CNTNAP5: variants seen among roughly 807,000 people sequenced by gnomAD.
CNTNAP5 encodes contactin-associated protein-like 5.
In CNTNAP5, 72 loss-of-function variants were observed where a neutral mutation model predicts 150.2. The ratio of observed to expected loss-of-function variants is 0.48; its 90% CI spans 0.40 to 0.58. CNTNAP5 has a LOEUF of 0.58. Ranked by LOEUF, CNTNAP5 falls within the 20% of genes least tolerant of loss-of-function variation. The probability of loss-of-function intolerance (pLI) is 0.00; values close to 1 mark genes in which losing one functional copy is unlikely to be tolerated. For missense variants in CNTNAP5, 1,636 were observed against 1,626.2 expected (o/e 1.01, Z -0.10); for synonymous variants, 672 against 619.8 (o/e 1.08, Z -1.25).
rs528635380 is a variant in CNTNAP5, at chr2:124,861,740, T to G, written c.3218-3566T>G. Among the ~76,000 whole-genome samples the G allele has an allele frequency of 5.9e-5, 9 of 152,202 alleles. No individual in the cohort carries two copies. In the East Asian group the frequency reaches 1.7e-3, roughly 29 times the overall value. Reference sequence around the variant, plus strand: ...CGAGAGTAGTTGCTAGTGACAAAAGTTTATTTCTTTTTATACATATTTATT... The same window carrying G: ...CGAGAGTAGTTGCTAGTGACAAAAGGTTATTTCTTTTTATACATATTTATT... On this transcript the variant is annotated intron_variant, in intron 19 of 23. Transcript: ENST00000682447.
intron 3 of CNTNAP5, among the ~76,000 whole-genome samples, chr2:124,322,210 T>C (rs899859555): frequency 2.0e-5 from 3 of 151,470 alleles, no homozygotes; most frequent in Non-Finnish European, 4.4e-5. Context: ...AAAATGCTTA[T>C]ATTGCTTTTA....
At chr2:124,336,507 A>C (rs1689472569) in intron 3 of CNTNAP5, among the ~76,000 whole-genome samples, 1 of 141,316 alleles carries the variant, frequency 7.1e-6, no homozygotes, top group African/African-American at 2.6e-5. Context: ...TATATCTCCT[A>C]ATGCTATCCC....
At chr2:124,037,900 T>C (rs1163917110) in intron 1 of CNTNAP5, among the ~76,000 whole-genome samples, 2 of 152,356 alleles carry the variant, frequency 1.3e-5, no homozygotes, top group East Asian at 3.9e-4. Context: ...ACATACAATT[T>C]ATATAGACCA....
chr2:124,641,548 A>C (rs1328135881), intron 12 of CNTNAP5, among the ~76,000 whole-genome samples: 1 of 152,218 alleles, frequency 6.6e-6, no homozygotes, highest in Non-Finnish European at 1.5e-5. Context: ...GTAGATGGAA[A>C]ATGAGAGGTA....
intron 3 of CNTNAP5, among the ~76,000 whole-genome samples, chr2:124,326,761 C>A (rs1689228716): frequency 6.6e-6 from 1 of 151,714 alleles, no homozygotes; most frequent in African/African-American, 2.4e-5. Flanking sequence ...CCCATCTTGA[C>A]AAAATAAATA....
chr2:124,549,812 A>G (rs1219247614), intron 10 of CNTNAP5, among the ~76,000 whole-genome samples: 3 of 152,252 alleles, frequency 2.0e-5, no homozygotes. Flanking sequence ...TTGCTATGAT[A>G]CGTTATTATT....
At chr2:124,301,114 G>A (rs1185616627) in intron 3 of CNTNAP5, among the ~76,000 whole-genome samples, 4 of 152,138 alleles carry the variant, frequency 2.6e-5, no homozygotes, top group Non-Finnish European at 4.4e-5. Context: ...TAGGCATCAC[G>A]TGCTTTACAA....
chr2:124,866,361 T>A (rs1037692302), intron 20 of CNTNAP5, among the ~76,000 whole-genome samples: 1 of 152,184 alleles, frequency 6.6e-6, no homozygotes, highest in African/African-American at 2.4e-5. Flanking sequence ...GTGATACTAA[T>A]GTCTGCTCAG....
chr2:124,054,426 G>A (rs573663276), intron 1 of CNTNAP5, among the ~76,000 whole-genome samples: 12 of 152,048 alleles, frequency 7.9e-5, no homozygotes, highest in African/African-American at 2.4e-4. Flanking sequence ...CCTCACTCTC[G>A]ACAAGGGTGG....
At chr2:124,585,100 G>A (rs910494485) in intron 11 of CNTNAP5, among the ~76,000 whole-genome samples, 9 of 152,198 alleles carry the variant, frequency 5.9e-5, no homozygotes, top group African/African-American at 1.9e-4. Flanking sequence ...ACCCTAACCT[G>A]TCAGTGGCTT....
intron 12 of CNTNAP5, among the ~76,000 whole-genome samples, chr2:124,630,090 A>C (rs567649817): frequency 1.8e-3 from 259 of 146,058 alleles, no homozygotes; most frequent in Non-Finnish European, 1.6e-3. Flanking sequence ...CCTACCAACC[A>C]AAAAAAAAAG....
At position 124,745,083 on chromosome 2, in the gene CNTNAP5, T is replaced by A. The variant is rs761939147; in HGVS notation, c.2078-2146T>A. ...AAAGCGGTGCAAGATGTTGATGGAT[T>A]CAAAACGGAATTAAGAGTTGGGCTG... On this transcript the variant is annotated intron_variant, in intron 13 of 23. Coordinates refer to ENST00000682447, the MANE Select transcript of CNTNAP5 (RefSeq NM_001367498.1). Among the ~76,000 whole-genome samples the A allele has an allele frequency of 2.0e-3, 297 of 151,684 alleles. 6 individuals carry two copies. Among genetic ancestry groups the A allele is most frequent in the Non-Finnish European group, 6.3e-4 (43 of 68,014 alleles).
intron 1 of CNTNAP5, among the ~76,000 whole-genome samples, chr2:124,215,093 G>A (rs1324412258): frequency 6.6e-6 from 1 of 152,156 alleles, no homozygotes; most frequent in Non-Finnish European, 1.5e-5. Context: ...AAAGGCATGA[G>A]TTGTCATGTC....
chr2:124,545,159 T>A (rs1372874407), intron 10 of CNTNAP5, among the ~76,000 whole-genome samples: 1 of 152,176 alleles, frequency 6.6e-6, no homozygotes, highest in Non-Finnish European at 1.5e-5. Flanking sequence ...CATAATCCAT[T>A]TAGTAAGGTT....
chr2:124,775,777 A>C (rs528021347), intron 17 of CNTNAP5, among the ~76,000 whole-genome samples: 97 of 152,308 alleles, frequency 6.4e-4, no homozygotes, highest in African/African-American at 2.0e-3. Context: ...GAGACTCTTC[A>C]CAACATGCAG....
chr2:124,638,439 A>G (rs1041793275), intron 12 of CNTNAP5, among the ~76,000 whole-genome samples: 11 of 152,134 alleles, frequency 7.2e-5, no homozygotes, highest in African/African-American at 2.7e-4. Context: ...GAGACAGAAT[A>G]CTATTTGAAA....
intron 21 of CNTNAP5, among the ~76,000 whole-genome samples, chr2:124,879,153 C>G (rs17012116): frequency 0.15 from 22,568 of 152,056 alleles, 5,355 homozygotes; most frequent in African/African-American, 0.51. Context: ...GATGCTTAAA[C>G]ACCCCAGACA....
At chr2:124,309,748 C>T (rs1329659593) in intron 3 of CNTNAP5, among the ~76,000 whole-genome samples, 1 of 152,138 alleles carries the variant, frequency 6.6e-6, no homozygotes, top group African/African-American at 2.4e-5. Flanking sequence ...CAGCTGTGTC[C>T]CAAGGCCCCT....
chr2:124,524,410 A>C lies in CNTNAP5; in HGVS notation c.1435A>C (p.Thr479Pro). Residue 479 changes from threonine (T) to proline (P), a missense_variant, in exon 9 of 24, where the codon ACT (threonine) becomes CCT (proline). Physicochemically the swap from Thr to Pro is conservative, Grantham distance 38. Transcript: ENST00000682447. ...AGCAGCACCCCCGGCTCCAGACAGC[A>C]CTTGGGTGCAGATTTATTCTGGAAA... The part of the protein sequence containing the change: ...DEAAPPAPDS[T>P]WVQIYSGNSY... 1 of 1,613,674 alleles carries C rather than the reference A, an allele frequency of 6.2e-7. No individual in the cohort carries two copies. Among genetic ancestry groups the C allele is most frequent in the Non-Finnish European group, 8.5e-7 (1 of 1,179,760 alleles).
Sources: gnomAD v4.1 joint callset for allele counts (sites outside exome capture counted in the v4.1 genomes callset) on GRCh38, gnomAD v4.1.1 for gene constraint, MANE v1.5 for transcripts, NCBI Gene and HGNC (gene_info 2026-07-23, HGNC 2026-07-21) for gene names.